YTHDC1: variants seen among roughly 807,000 people sequenced by gnomAD.
The protein encoded by YTHDC1 is YTH domain-containing protein 1.
A neutral mutation model predicts 107.0 loss-of-function variants in YTHDC1; 12 were observed. The observed-to-expected ratio is 0.11, with a 90% CI of 0.07 to 0.18. YTHDC1 has a LOEUF of 0.18. Ranked by LOEUF, YTHDC1 falls within the 10% of genes least tolerant of loss-of-function variation. The pLI is 1.00. For missense variants in YTHDC1, 635 were observed against 898.8 expected, an observed-to-expected ratio of 0.71 and a Z score of 3.75; for synonymous variants, 280 against 289.5, an observed-to-expected ratio of 0.97 and a Z score of 0.33.
At chr4:68,316,503 C>A in intron 15 of YTHDC1, 55 bp from the exon 16 acceptor site, 1 of 1,570,656 alleles carries the variant, frequency 6.4e-7, no homozygotes. Flanking sequence ...TGTAAACAAG[C>A]GATTCTTAGA....
chr4:68,314,381 T>A (rs1362627149), intron 16 of YTHDC1, 58 bp from the exon 17 acceptor site: 2 of 1,455,180 alleles, frequency 1.4e-6, no homozygotes, highest in Non-Finnish European at 1.8e-6. Context: ...GTTAAGTGGA[T>A]CCCTGATTTG....
At chr4:68,317,276 A>G (rs1161552037) in intron 15 of YTHDC1, among the ~76,000 whole-genome samples, 1 of 152,224 alleles carries the variant, frequency 6.6e-6, no homozygotes. Context: ...TTAAAAAATG[A>G]ATAAAGGGTA....
chr4:68,330,027 C>T lies in YTHDC1; in HGVS notation c.1324G>A (p.Val442Ile). 6.2e-7 allele frequency: 1 copy of T among 1,613,584 alleles called. No individual in the cohort carries two copies. The highest frequency in any genetic ancestry group is 2.2e-5 in the East Asian group (1 of 44,836). The change falls in exon 9 of 17, where the codon GTC becomes ATC. Residue 442 changes from valine to isoleucine, a missense_variant. Transcript: ENST00000344157. ...CTGCAAATCCAGTCAATTTTAAAGA[C>T]ACCTCCCAGCATTTTAGCACTCATT... Reference protein sequence around the residue: ...AGMSAKMLGGVFKIDWICRRE... With the variant: ...AGMSAKMLGGIFKIDWICRRE...
intron 1 of YTHDC1, among the ~76,000 whole-genome samples, chr4:68,339,417 T>C (rs770452612): frequency 9.9e-5 from 15 of 152,148 alleles, no homozygotes; most frequent in African/African-American, 7.2e-5. Flanking sequence ...TTGGACATAA[T>C]TGGAAAAACT....
At position 68,324,208 on chromosome 4, in the gene YTHDC1, G is replaced by A. The variant is rs1722734257; in HGVS notation, c.1365C>T (p.Phe455=). The A allele has an allele frequency of 6.2e-7, 1 of 1,613,666 alleles. No homozygotes were observed. The highest frequency in any genetic ancestry group is 1.1e-5 in the South Asian group (1 of 91,076). The change falls in exon 10 of 17, where the codon TTC becomes TTT. Residue 455 remains phenylalanine (F), a synonymous_variant. Coordinates refer to ENST00000344157, the MANE Select transcript of YTHDC1 (RefSeq NM_001031732.4). Reference sequence around the variant, plus strand: ...GATTGGTGAGATGAGCCGACTTAGTGAAGGGTAATTCACGCCTAAATACAA... The same window carrying A: ...GATTGGTGAGATGAGCCGACTTAGTAAAGGGTAATTCACGCCTAAATACAA... The part of the protein sequence containing the change: ...IDWICRRELP[F]TKSAHLTNPW...
At chr4:68,317,975 A>C (rs1722042083) in intron 15 of YTHDC1, among the ~76,000 whole-genome samples, 1 of 152,236 alleles carries the variant, frequency 6.6e-6, no homozygotes, top group Non-Finnish European at 1.5e-5. Flanking sequence ...ACCCAAGCGG[A>C]CTTTGCACTA....
chr4:68,338,231 T>C, intron 2 of YTHDC1, 52 bp downstream of exon 2: 2 of 1,463,134 alleles, frequency 1.4e-6, no homozygotes, highest in Non-Finnish European at 9.3e-7. Context: ...AGAAATTGAA[T>C]CTCCTCTATT....
intron 6 of YTHDC1, 137 bp downstream of exon 6, chr4:68,332,657 T>A (rs920818786): frequency 2.8e-6 from 2 of 707,942 alleles, no homozygotes; most frequent in African/African-American, 3.6e-5. Flanking sequence ...GAGCTTTCTA[T>A]GTTAAGATAT....
chr4:68,339,793 CT>C (rs1329362152), intron 1 of YTHDC1, among the ~76,000 whole-genome samples: 2 of 152,042 alleles, frequency 1.3e-5, no homozygotes, highest in African/African-American at 4.8e-5. Context: ...CATTTAGAGC[CT>C]GCTGGTGTGG....
intron 16 of YTHDC1, chr4:68,315,724 C>A (rs895159431): frequency 6.6e-6 from 1 of 151,866 alleles, no homozygotes; most frequent in Non-Finnish European, 1.5e-5. Flanking sequence ...TGTTTTGAAG[C>A]CATCAAAAAA....
intron 9 of YTHDC1, 22 bp from the exon 10 acceptor site, chr4:68,324,245 T>C (rs775522797): frequency 6.3e-7 from 1 of 1,593,938 alleles, no homozygotes. Flanking sequence ...GTAATATCAA[T>C]TACATTCTTC....
intron 4 of YTHDC1, among the ~76,000 whole-genome samples, chr4:68,334,272 A>T (rs1723917451): frequency 6.6e-6 from 1 of 152,174 alleles, no homozygotes; most frequent in Non-Finnish European, 1.5e-5. Flanking sequence ...ATTTTTATAT[A>T]AACAATGGAA....
At chr4:68,341,281 G>T (rs1327813122) in intron 1 of YTHDC1, among the ~76,000 whole-genome samples, 1 of 151,990 alleles carries the variant, frequency 6.6e-6, no homozygotes, top group African/African-American at 2.4e-5. Context: ...AAAGTATAAA[G>T]AACACAAATG....
chr4:68,325,271 T>A (rs1169528972), intron 9 of YTHDC1, among the ~76,000 whole-genome samples: 6 of 151,248 alleles, frequency 4.0e-5, no homozygotes, highest in Non-Finnish European at 8.9e-5. Flanking sequence ...TACAGAAGAT[T>A]TTTTTTTTGT....
intron 15 of YTHDC1, among the ~76,000 whole-genome samples, chr4:68,317,605 T>C (rs1210794556): frequency 6.6e-6 from 1 of 152,190 alleles, no homozygotes; most frequent in Non-Finnish European, 1.5e-5. Context: ...AAGGAAATAA[T>C]TAAAAAGCAG....
Position 68,337,568 on chromosome 4 carries a change from C to A in YTHDC1, c.459+4G>T. On this transcript the variant is annotated splice_donor_region_variant and intron_variant, in intron 3 of 16. Coordinates refer to ENST00000344157, the MANE Select transcript of YTHDC1 (RefSeq NM_001031732.4). ...TGTTTTATATCTGCAATAATATTTACTACCTCAGAACCATCTGGCGTAGGA... is the reference window on the plus strand; with the variant it reads ...TGTTTTATATCTGCAATAATATTTAATACCTCAGAACCATCTGGCGTAGGA... 6.3e-7 allele frequency: 1 copy of A among 1,593,202 alleles called. No homozygotes were observed. Among genetic ancestry groups the A allele is most frequent in the South Asian group, 1.1e-5 (1 of 87,244 alleles).
chr4:68,341,570 A>T (rs556777426), intron 1 of YTHDC1, among the ~76,000 whole-genome samples: 22 of 152,156 alleles, frequency 1.4e-4, no homozygotes, highest in African/African-American at 5.3e-4. Context: ...TTACGTTTTT[A>T]AGGCGCTTAT....
chr4:68,343,541 AAATTTTTTTTTTT>A (rs1371698107), intron 1 of YTHDC1, among the ~76,000 whole-genome samples: 2 of 124,930 alleles, frequency 1.6e-5, no homozygotes, highest in Non-Finnish European at 3.5e-5. Flanking sequence ...AAAAAAAAAA[AAATTTTTTTTTTT>A]TTTGAGACAG....
intron 1 of YTHDC1, among the ~76,000 whole-genome samples, 185 bp from the exon 2 acceptor site, chr4:68,338,569 G>A (rs562188984): frequency 2.6e-4 from 39 of 152,260 alleles, no homozygotes; most frequent in Non-Finnish European, 4.3e-4. Flanking sequence ...GTAAAGAATT[G>A]GCCAGTCGTG....
Sources: gnomAD v4.1 joint callset for allele counts (sites outside exome capture counted in the v4.1 genomes callset) on GRCh38, gnomAD v4.1.1 for gene constraint, MANE v1.5 for transcripts, NCBI Gene and HGNC (gene_info 2026-07-23, HGNC 2026-07-21) for gene names.